The following PCBP3 variants were observed in gnomAD, a reference collection of about 807,000 sequenced individuals.
PCBP3 encodes poly(rC)-binding protein 3.
In PCBP3, 25 loss-of-function variants were observed where a neutral mutation model predicts 52.7. The ratio of observed to expected loss-of-function variants is 0.47; its 90% confidence interval spans 0.35 to 0.66. The LOEUF is 0.66. Among genes scored for constraint, PCBP3 ranks in the 30% least tolerant of loss-of-function variants. PCBP3 has a pLI of 0.01. For missense variants in PCBP3, 391 were observed against 490.3 expected, an observed-to-expected ratio of 0.80 and a Z score of 1.91; for synonymous variants, 162 against 183.0, an observed-to-expected ratio of 0.89 and a Z score of 0.93.
intron 5 of PCBP3, among the ~76,000 whole-genome samples, chr21:45,859,325 C>T (rs1394143545): frequency 7.7e-5 from 1 of 13,018 alleles, no homozygotes; most frequent in African/African-American, 4.3e-4. Context: ...CAGAGGTGGC[C>T]AGCGAGTCAG....
intron 2 of PCBP3, among the ~76,000 whole-genome samples, chr21:45,693,501 A>G (rs1198592691): frequency 3.3e-5 from 5 of 152,166 alleles, no homozygotes; most frequent in Non-Finnish European, 7.4e-5. Flanking sequence ...TTAGGATCAT[A>G]CACAACTGTT....
At position 45,941,761 on chromosome 21, in the gene PCBP3, G is replaced by A. The variant is rs942258522; in HGVS notation, c.*55G>A. On this transcript the variant is annotated 3_prime_UTR_variant, in exon 18 of 18. Transcript: ENST00000681687. ...CCACCTGCCAGAGCCTAAGGCCCCC[G>A]GCTCTCGCACTCTGTACAGCCCACC... is the stretch of plus-strand genomic sequence containing the variant. 41 of 1,480,108 alleles carry A rather than the reference G, an allele frequency of 2.8e-5. No homozygotes were observed. The highest frequency in any genetic ancestry group is 3.2e-5 in the Non-Finnish European group (34 of 1,075,770). 91.7% of individuals were successfully genotyped at this position (1,480,108 alleles called of 1,614,324 possible).
chr21:45,927,737 C>A (rs893864875), intron 13 of PCBP3, among the ~76,000 whole-genome samples: 1 of 152,148 alleles, frequency 6.6e-6, no homozygotes, highest in South Asian at 2.1e-4. Context: ...TTTTTGTCAT[C>A]CGCAGCCACA....
At chr21:45,677,296 T>G (rs1198894918) in intron 2 of PCBP3, among the ~76,000 whole-genome samples, 4 of 152,184 alleles carry the variant, frequency 2.6e-5, no homozygotes, top group Non-Finnish European at 5.9e-5. Context: ...GGATAGAAGG[T>G]GCAACTAACC....
At chr21:45,832,202 T>A (rs1206962047) in intron 4 of PCBP3, among the ~76,000 whole-genome samples, 3 of 152,176 alleles carry the variant, frequency 2.0e-5, no homozygotes, top group Non-Finnish European at 4.4e-5. Context: ...ATACGGTAAC[T>A]TCCTGATGTT....
At chr21:45,900,444 G>A (rs1295462186) in intron 7 of PCBP3, 147 bp from the exon 8 acceptor site, 18 of 657,540 alleles carry the variant, frequency 2.7e-5, no homozygotes, top group Non-Finnish European at 2.8e-6. Context: ...GGCCTTCTTA[G>A]TGGAGAGGCT....
intron 1 of PCBP3, among the ~76,000 whole-genome samples, chr21:45,651,696 A>G (rs1240406900): frequency 6.6e-6 from 1 of 152,244 alleles, no homozygotes; most frequent in Non-Finnish European, 1.5e-5. Context: ...GCTTTGAAAA[A>G]TATCCTATAC....
intron 4 of PCBP3, among the ~76,000 whole-genome samples, chr21:45,820,711 T>C (rs1402512482): frequency 1.3e-5 from 2 of 152,210 alleles, no homozygotes; most frequent in Non-Finnish European, 2.9e-5. Flanking sequence ...AGGGAGTTCC[T>C]GGGACCTGGG....
At chr21:45,760,017 CA>C (rs774272093) in intron 4 of PCBP3, 2 of 152,028 alleles carry the variant, frequency 1.3e-5, no homozygotes, top group Non-Finnish European at 2.9e-5. Flanking sequence ...TAGGTTGGTG[CA>C]AAAGTAATTG....
At chr21:45,893,770 C>A (rs2095748901) in intron 5 of PCBP3, 1 of 985,352 alleles carries the variant, frequency 1.0e-6, no homozygotes, top group African/African-American at 1.7e-5. Context: ...GTTTCTGGAA[C>A]ACAGTGTGGG....
intron 5 of PCBP3, among the ~76,000 whole-genome samples, chr21:45,850,437 G>C (rs1264972591): frequency 1.3e-5 from 2 of 152,118 alleles, no homozygotes; most frequent in Non-Finnish European, 2.9e-5. Context: ...CTGTGCTGGG[G>C]GCTGAAGATC....
intron 3 of PCBP3, chr21:45,751,329 T>C (rs2087477116): frequency 1.3e-5 from 2 of 152,254 alleles, no homozygotes; most frequent in South Asian, 4.1e-4. Context: ...TTACTATTTT[T>C]ATTGTAAACA....
At chr21:45,930,333 G>GCGTA (rs1166234106) in intron 14 of PCBP3, among the ~76,000 whole-genome samples, 1 of 152,194 alleles carries the variant, frequency 6.6e-6, no homozygotes, top group Non-Finnish European at 1.5e-5. Context: ...TTCCTGCTGA[G>GCGTA]CGTACCCACT....
At chr21:45,723,181 G>A (rs1172889936) in intron 2 of PCBP3, among the ~76,000 whole-genome samples, 1 of 152,178 alleles carries the variant, frequency 6.6e-6, no homozygotes, top group African/African-American at 2.4e-5. Context: ...CATGTGTTTG[G>A]CAACCAGGGG....
At chr21:45,855,749 G>A (rs780862467) in intron 5 of PCBP3, among the ~76,000 whole-genome samples, 17 of 152,242 alleles carry the variant, frequency 1.1e-4, no homozygotes, top group Non-Finnish European at 1.3e-4. Flanking sequence ...CCTGAGGGCC[G>A]GACCCCACAC....
At chr21:45,721,873 A>G (rs1193974932) in intron 2 of PCBP3, among the ~76,000 whole-genome samples, 2 of 151,826 alleles carry the variant, frequency 1.3e-5, no homozygotes, top group African/African-American at 4.8e-5. Flanking sequence ...GCAAGAAATC[A>G]CAGAAACTGG....
In PCBP3 at chr21:45,788,979, T is replaced by A. The variant is rs185181121; in HGVS notation, c.-126+33527T>A. Among the ~76,000 whole-genome samples the A allele has an allele frequency of 6.6e-6, 1 of 152,210 alleles. No homozygotes were observed. The highest frequency in any genetic ancestry group is 6.5e-5 in the Admixed American group (1 of 15,284). On this transcript the variant is annotated intron_variant, in intron 4 of 17. Coordinates refer to ENST00000681687, the MANE Select transcript of PCBP3 (RefSeq NM_001384156.1). This position sits in a 1 kb window ranked among gnomAD's most constrained non-coding sequence, Gnocchi z 4.3. ...AATTGCTGTCCAGATCCAACAGACT[T>A]ATTCAGCCAACAGTAACCAAATACA...
At chr21:45,757,736 C>T (rs531760919) in intron 4 of PCBP3, among the ~76,000 whole-genome samples, 2 of 152,102 alleles carry the variant, frequency 1.3e-5, no homozygotes, top group Non-Finnish European at 2.9e-5. Context: ...CATTCTTTTG[C>T]ATGGGGATAT....
At chr21:45,933,855 G>A (rs912142740) in intron 15 of PCBP3, among the ~76,000 whole-genome samples, 12 of 152,292 alleles carry the variant, frequency 7.9e-5, no homozygotes, top group African/African-American at 2.9e-4. Context: ...TGGCATTGTG[G>A]ACAAACTGCC....
Sources: allele counts gnomAD v4.1 joint callset (sites outside exome capture counted in the v4.1 genomes callset), GRCh38; gene constraint gnomAD v4.1.1; non-coding constraint Gnocchi (gnomAD v3.1); transcripts MANE v1.5; gene names NCBI Gene and HGNC (gene_info 2026-07-23, HGNC 2026-07-21).